Variants in EFR3B observed in about 807,000 individuals in gnomAD.
EFR3B encodes EFR3 homolog B.
A neutral mutation model predicts 104.7 loss-of-function variants in EFR3B; 64 were observed. The observed-to-expected ratio is 0.61, with a 90% CI of 0.50 to 0.75. EFR3B has a LOEUF of 0.75. Ranked by LOEUF, EFR3B falls within the 30% of genes least tolerant of loss-of-function variation. The probability of loss-of-function intolerance (pLI) is 0.00; values close to 1 mark genes in which losing one functional copy is unlikely to be tolerated. For synonymous variants in EFR3B, 385 were observed against 417.9 expected, an observed-to-expected ratio of 0.92 and a Z score of 0.96; for missense variants, 750 against 1,078.5, an observed-to-expected ratio of 0.70 and a Z score of 4.27.
rs1667605738 is a variant in EFR3B at position 25,042,736 on chromosome 2, G to T, written c.7+417G>T. Reference sequence around the variant, plus strand: ...GGGAGACGCCCGCGGCCGGTCGTCTGCGCGGCTCGGAGAAGGCGGGAGGCG... The same window carrying T: ...GGGAGACGCCCGCGGCCGGTCGTCTTCGCGGCTCGGAGAAGGCGGGAGGCG... On this transcript the variant is annotated intron_variant, in intron 1 of 22. Coordinates refer to ENST00000403714, the MANE Select transcript of EFR3B (RefSeq NM_014971.2). This position sits in a 1 kb window ranked among gnomAD's most constrained non-coding sequence, Gnocchi z 5.4. 2 of 983,136 alleles carry T rather than the reference G, an allele frequency of 2.0e-6. No homozygotes were observed. The highest frequency in any genetic ancestry group is 6.1e-5 in the Admixed American group (1 of 16,454). The allele number at this position is 983,136 out of a possible 1,614,324, so 60.9% of individuals were successfully genotyped here.
rs1371991833 is a variant in EFR3B at position 25,153,210 on chromosome 2, C to T, written c.2299-502C>T. Among the ~76,000 whole-genome samples, 5 of 151,910 alleles carry T rather than the reference C, an allele frequency of 3.3e-5. No individual in the cohort carries two copies. The East Asian group carries it at 5.8e-4, about 18-fold the overall frequency. On this transcript the variant is annotated intron_variant, in intron 21 of 22. Coordinates refer to ENST00000403714, the MANE Select transcript of EFR3B (RefSeq NM_014971.2). ...CTCTACTAAAAATACAAAAATTAGC[C>T]GGGCATGGTGGCAGGCACCTGTAAT... is the stretch of plus-strand genomic sequence containing the variant.
chr2:25,150,768 A>G (rs1311142596), intron 20 of EFR3B, among the ~76,000 whole-genome samples: 5 of 151,862 alleles, frequency 3.3e-5, no homozygotes, highest in African/African-American at 1.2e-4. Flanking sequence ...CCGCCACCAC[A>G]CCCGGCTAAT....
chr2:25,113,413 C>T (rs746558454), intron 4 of EFR3B, among the ~76,000 whole-genome samples: 45 of 152,068 alleles, frequency 3.0e-4, no homozygotes, highest in Non-Finnish European at 5.6e-4. Flanking sequence ...AGGCCGGGCG[C>T]GGGGGCTCAC....
Position 25,145,878 on chromosome 2 carries a change from G to A in EFR3B, c.2142+827G>A, listed in dbSNP as rs542896851. On this transcript the variant is annotated intron_variant, in intron 19 of 22. Transcript: ENST00000403714. Reference sequence around the variant, plus strand: ...CCAGCAGAGTGGTGCATTTCTTACAGTTCAACCTGCCTTAACACAACAGTA... The same window carrying A: ...CCAGCAGAGTGGTGCATTTCTTACAATTCAACCTGCCTTAACACAACAGTA... 4.0e-5 allele frequency: 6 copies of A among 151,742 alleles called. No individual in the cohort carries two copies. The East Asian group carries it at 1.2e-3, about 29-fold the overall frequency. 9.4% of individuals were successfully genotyped at this position (151,742 alleles called of 1,614,324 possible). A position where few individuals can be genotyped will look rare whatever the true frequency, so the allele number is the denominator to read the frequency against.
intron 1 of EFR3B, among the ~76,000 whole-genome samples, chr2:25,060,459 A>C (rs1363496565): frequency 6.6e-6 from 1 of 150,708 alleles, no homozygotes; most frequent in African/African-American, 2.4e-5. Context: ...TTAAAGTGCC[A>C]TTTTTTTTTC....
At chr2:25,084,351 C>A (rs189486224) in intron 1 of EFR3B, among the ~76,000 whole-genome samples, 1 of 151,942 alleles carries the variant, frequency 6.6e-6, no homozygotes, top group Non-Finnish European at 1.5e-5. Context: ...ATTCTTGTGC[C>A]TCCGCCTCCC....
At chr2:25,106,903 A>T (rs1669579279) in intron 4 of EFR3B, among the ~76,000 whole-genome samples, 1 of 152,168 alleles carries the variant, frequency 6.6e-6, no homozygotes, top group Non-Finnish European at 1.5e-5. Flanking sequence ...GTTTGTATGG[A>T]AGTTTGCAGC....
At chr2:25,048,018 A>G (rs982585481) in intron 1 of EFR3B, among the ~76,000 whole-genome samples, 3 of 151,544 alleles carry the variant, frequency 2.0e-5, no homozygotes, top group Non-Finnish European at 4.4e-5. Context: ...AGACGGTTGG[A>G]ACCTTTTATT....
rs116496580 is a variant in EFR3B at position 25,098,201 on chromosome 2, G to A, written c.212+5071G>A. Among the ~76,000 whole-genome samples, 1,272 of 152,216 alleles carry A rather than the reference G, an allele frequency of 8.4e-3. 22 individuals carry two copies. Among genetic ancestry groups the A allele is most frequent in the African/African-American group, 0.028 (1,156 of 41,538 alleles). On this transcript the variant is annotated intron_variant, in intron 3 of 22. Coordinates refer to ENST00000403714, the MANE Select transcript of EFR3B (RefSeq NM_014971.2). Reference sequence around the variant, plus strand: ...AAAACCCAGAAGATTCTGTCTAGGAGTGGGCTGACCAAATGCACTCAAACT... The same window carrying A: ...AAAACCCAGAAGATTCTGTCTAGGAATGGGCTGACCAAATGCACTCAAACT...
chr2:25,042,950 C>T lies in EFR3B; in HGVS notation c.7+631C>T, dbSNP rs1484792798. Among the ~76,000 whole-genome samples the T allele has an allele frequency of 6.6e-6, 1 of 152,214 alleles. No homozygotes were observed. Among genetic ancestry groups the T allele is most frequent in the Non-Finnish European group, 1.5e-5 (1 of 68,042 alleles). The stretch of plus-strand genomic sequence containing the variant: ...GGGTGCAGCACAGCCCTGACCTCTC[C>T]CCGCCTCCACCGCCATCCCCTCAAC... On this transcript the variant is annotated intron_variant, in intron 1 of 22. Coordinates refer to ENST00000403714, the MANE Select transcript of EFR3B (RefSeq NM_014971.2). This position sits in a 1 kb window ranked among gnomAD's most constrained non-coding sequence, Gnocchi z 5.4.
chr2:25,083,118 G>A (rs1668855781), intron 1 of EFR3B, among the ~76,000 whole-genome samples: 1 of 152,126 alleles, frequency 6.6e-6, no homozygotes. Flanking sequence ...TACATACTAG[G>A]GAATTGGCCA....
rs903614899 is a variant in EFR3B, at chr2:25,157,906, C to T, written c.*3566C>T. The T allele has an allele frequency of 2.0e-5, 3 of 152,538 alleles. No individual in the cohort carries two copies. Among genetic ancestry groups the T allele is most frequent in the Admixed American group, 2.0e-4 (3 of 15,282 alleles). 9.4% of individuals were successfully genotyped at this position (152,538 alleles called of 1,614,324 possible). A position where few individuals can be genotyped will look rare whatever the true frequency, so the allele number is the denominator to read the frequency against. On this transcript the variant is annotated 3_prime_UTR_variant, in exon 23 of 23. Transcript: ENST00000403714. ...GAACTAGAAAAGTCCTCAGATACCC[C>T]CCTCTGTCCAGCCCCCTTTCCCATA... is the stretch of plus-strand genomic sequence containing the variant.
rs985696956 is a variant in EFR3B, at chr2:25,133,375, G to T, written c.1260-8G>T. 1 of 1,552,330 alleles carries T rather than the reference G, an allele frequency of 6.4e-7. No homozygotes were observed. The highest frequency in any genetic ancestry group is 1.2e-5 in the South Asian group (1 of 84,062). On this transcript the variant is annotated splice_polypyrimidine_tract_variant and splice_region_variant and intron_variant, in intron 11 of 22. Transcript: ENST00000403714. ...ATCCTGGTGAGTGTTTGTGTCTCTG[G>T]TCTACAGGGAGAATAGGAACCGTCT...
At chr2:25,072,666 AGCCAGACCC>A (rs1347359943) in intron 1 of EFR3B, among the ~76,000 whole-genome samples, 1 of 152,172 alleles carries the variant, frequency 6.6e-6, no homozygotes. Flanking sequence ...ATTCAACCAT[AGCCAGACCC>A]ATGGCTACCC....
At chr2:25,084,899 G>T (rs896117153) in intron 1 of EFR3B, among the ~76,000 whole-genome samples, 1 of 152,192 alleles carries the variant, frequency 6.6e-6, no homozygotes, top group African/African-American at 2.4e-5. Flanking sequence ...AGAATGGGAG[G>T]CAGGTTGGCC....
intron 1 of EFR3B, among the ~76,000 whole-genome samples, chr2:25,054,700 A>G (rs1227621589): frequency 6.6e-6 from 1 of 152,202 alleles, no homozygotes. Flanking sequence ...TGTGTCATAT[A>G]TAGGCTGTAT....
At position 25,132,970 on chromosome 2, in the gene EFR3B, C is replaced by T. The variant is rs1451928332; in HGVS notation, c.1215C>T (p.Val405=). Residue 405 remains valine (V), a synonymous_variant, in exon 11 of 23, where the codon GTC becomes GTT. Transcript: ENST00000403714. Reference sequence around the variant, plus strand: ...TGATCCTCTTCATCATGAGCAAGGTCCCGCGGCCATCCCTGCACCAGGCGG... The same window carrying T: ...TGATCCTCTTCATCATGAGCAAGGTTCCGCGGCCATCCCTGCACCAGGCGG... The part of the protein sequence containing the change: ...SEVILFIMSK[V]PRPSLHQAVD... The T allele has an allele frequency of 2.6e-6, 4 of 1,551,650 alleles. No homozygotes were observed. In the East Asian group the frequency reaches 7.3e-5, roughly 28 times the overall value.
intron 17 of EFR3B, among the ~76,000 whole-genome samples, 176 bp downstream of exon 17, chr2:25,141,609 A>G (rs1414482618): frequency 6.6e-6 from 1 of 152,194 alleles, no homozygotes; most frequent in Admixed American, 6.5e-5. Flanking sequence ...ACCCCATCAC[A>G]TTACTGCAGT....
intron 1 of EFR3B, among the ~76,000 whole-genome samples, chr2:25,047,516 T>C (rs1667755331): frequency 6.6e-6 from 1 of 152,222 alleles, no homozygotes; most frequent in Non-Finnish European, 1.5e-5. Flanking sequence ...ATTTATTTAT[T>C]TTGAGACAGT....
Sources: gnomAD v4.1 joint callset for allele counts (sites outside exome capture counted in the v4.1 genomes callset) on GRCh38, gnomAD v4.1.1 for gene constraint, Gnocchi (gnomAD v3.1) non-coding constraint, MANE v1.5 for transcripts, NCBI Gene and HGNC (gene_info 2026-07-23, HGNC 2026-07-21) for gene names.